Variants in NRG3 observed in about 807,000 individuals in gnomAD.
NRG3 encodes the protein pro-neuregulin-3, membrane-bound isoform.
NRG3 carries 31 observed loss-of-function variants against 66.9 expected under a neutral mutation model. The observed-to-expected ratio is 0.46, with a 90% confidence interval of 0.35 to 0.63. The LOEUF is 0.63. Among genes scored for constraint, NRG3 ranks in the 20% least tolerant of loss-of-function variants. The pLI is 0.00. For synonymous variants in NRG3, 393 were observed against 359.4 expected (o/e 1.09, Z -1.06); for missense variants, 910 against 878.9 (o/e 1.04, Z -0.45).
At chr10:82,161,146 G>T (rs2071563939) in intron 1 of NRG3, among the ~76,000 whole-genome samples, 1 of 151,998 alleles carries the variant, frequency 6.6e-6, no homozygotes, top group Admixed American at 6.6e-5. Context: ...TTATTATCAA[G>T]AATTCAGGTG....
intron 2 of NRG3, among the ~76,000 whole-genome samples, chr10:82,680,392 C>A (rs1335624): frequency 0.49 from 74,301 of 152,018 alleles, 20,861 homozygotes; most frequent in East Asian, 0.73. Context: ...GAATGCCTGA[C>A]ACATTAAATA....
intron 2 of NRG3, among the ~76,000 whole-genome samples, chr10:82,696,964 G>C (rs1322924791): frequency 2.0e-5 from 3 of 152,168 alleles, no homozygotes; most frequent in African/African-American, 7.2e-5. Context: ...GCATACGTTA[G>C]GTACTTCTGT....
intron 4 of NRG3, among the ~76,000 whole-genome samples, chr10:82,907,358 A>G (rs892242997): frequency 5.3e-5 from 8 of 152,144 alleles, no homozygotes; most frequent in Admixed American, 1.3e-4. Flanking sequence ...ATGATTTTAT[A>G]ATTTTCTGGA....
Position 82,815,110 on chromosome 10 carries a change from T to C in NRG3, c.1028-50301T>C, listed in dbSNP as rs2061651614. ...TTAAAGAAGTATCTTCCAAAACCCATGTTAGTAAGAGGTTGGCTTTGGTCA... is the reference window on the plus strand; with the variant it reads ...TTAAAGAAGTATCTTCCAAAACCCACGTTAGTAAGAGGTTGGCTTTGGTCA... On this transcript the variant is annotated intron_variant, in intron 3 of 8. Transcript: ENST00000372141. 3.9e-5 allele frequency among the ~76,000 whole-genome samples: 6 copies of C among 152,312 alleles called. No homozygotes were observed. In the South Asian group the frequency reaches 1.2e-3, roughly 32 times the overall value.
intron 2 of NRG3, among the ~76,000 whole-genome samples, chr10:82,721,195 G>A (rs1203323922): frequency 8.8e-6 from 1 of 113,124 alleles, no homozygotes; most frequent in Non-Finnish European, 1.6e-5. Flanking sequence ...GCAGTAGCGT[G>A]ATCTCCGCTC....
At chr10:82,773,200 G>A (rs527970332) in intron 3 of NRG3, among the ~76,000 whole-genome samples, 4 of 152,060 alleles carry the variant, frequency 2.6e-5, no homozygotes, top group South Asian at 4.2e-4. Flanking sequence ...CTACATTCCC[G>A]CCAACTGTGC....
intron 1 of NRG3, among the ~76,000 whole-genome samples, chr10:81,983,381 G>T (rs1254812239): frequency 6.6e-6 from 1 of 152,186 alleles, no homozygotes; most frequent in Admixed American, 6.5e-5. Context: ...TCTTGGGGAT[G>T]CTTTCTCTGA....
At position 82,985,612 on chromosome 10, in the gene NRG3, A is replaced by T. The variant is rs1333486752; in HGVS notation, c.*7A>T. The T allele has an allele frequency of 6.2e-7, 1 of 1,606,516 alleles. No individual in the cohort carries two copies. The highest frequency in any genetic ancestry group is 1.3e-5 in the African/African-American group (1 of 74,682). On this transcript the variant is annotated 3_prime_UTR_variant, in exon 9 of 9. Coordinates refer to ENST00000372141, the MANE Select transcript of NRG3 (RefSeq NM_001010848.4). Reference sequence around the variant, plus strand: ...CTCTGCATTGACCAAGTGACTTGAGATGTAGGAATCTGTGCATTCTATGCT... The same window carrying T: ...CTCTGCATTGACCAAGTGACTTGAGTTGTAGGAATCTGTGCATTCTATGCT...
At chr10:82,702,570 G>A (rs113603869) in intron 2 of NRG3, among the ~76,000 whole-genome samples, 90 of 152,290 alleles carry the variant, frequency 5.9e-4, no homozygotes, top group African/African-American at 2.1e-3. Flanking sequence ...GGTCAGGCTA[G>A]GGGTGAGAAG....
At chr10:82,094,662 A>C (rs1046762449) in intron 1 of NRG3, among the ~76,000 whole-genome samples, 4 of 152,230 alleles carry the variant, frequency 2.6e-5, no homozygotes, top group African/African-American at 7.2e-5. Context: ...ATGGCGAGAT[A>C]TATATATCAC....
intron 1 of NRG3, among the ~76,000 whole-genome samples, chr10:82,324,321 G>A (rs564875505): frequency 1.3e-5 from 2 of 151,562 alleles, no homozygotes; most frequent in Non-Finnish European, 2.9e-5. Flanking sequence ...CCCTACCCTC[G>A]TCACTCTTGA....
intron 3 of NRG3, among the ~76,000 whole-genome samples, chr10:82,852,235 C>G (rs1343072098): frequency 1.3e-5 from 2 of 151,848 alleles, no homozygotes; most frequent in African/African-American, 4.8e-5. Context: ...AAGTGGGAGT[C>G]GAACAATGAG....
At chr10:82,212,661 T>A (rs2133653339) in intron 1 of NRG3, among the ~76,000 whole-genome samples, 1 of 152,326 alleles carries the variant, frequency 6.6e-6, no homozygotes, top group Non-Finnish European at 1.5e-5. Flanking sequence ...GGCATGTCAC[T>A]ATCTAGTCTA....
chr10:81,942,693 A>C (rs1848502527), intron 1 of NRG3, among the ~76,000 whole-genome samples: 1 of 152,164 alleles, frequency 6.6e-6, no homozygotes, highest in South Asian at 2.1e-4. Context: ...GCAATTTCTC[A>C]TGCAATTTCC....
intron 1 of NRG3, among the ~76,000 whole-genome samples, chr10:82,048,673 C>T (rs550693543): frequency 1.3e-5 from 2 of 151,808 alleles, no homozygotes; most frequent in Admixed American, 6.6e-5. Context: ...GACACCCTAA[C>T]ATCACAATTA....
At position 82,210,785 on chromosome 10, in the gene NRG3, A is replaced by C. The variant is rs556659915; in HGVS notation, c.824-147954A>C. ...AGTAGATATTTTAAACCTTACCTAA[A>C]ATTGAGCATATTTATGCCTACTTAT... On this transcript the variant is annotated intron_variant, in intron 1 of 8. Coordinates refer to ENST00000372141, the MANE Select transcript of NRG3 (RefSeq NM_001010848.4). 2.0e-5 allele frequency among the ~76,000 whole-genome samples: 3 copies of C among 152,266 alleles called. No individual in the cohort carries two copies. In the East Asian group the frequency reaches 5.8e-4, roughly 29 times the overall value.
chr10:82,427,900 T>G (rs2089547524), intron 2 of NRG3, among the ~76,000 whole-genome samples: 1 of 152,064 alleles, frequency 6.6e-6, no homozygotes. Flanking sequence ...GCTATATATA[T>G]TCAGATATTT....
intron 1 of NRG3, among the ~76,000 whole-genome samples, chr10:82,189,256 A>C (rs2073993061): frequency 6.6e-6 from 1 of 152,190 alleles, no homozygotes; most frequent in Non-Finnish European, 1.5e-5. Flanking sequence ...ACTCTATGAG[A>C]AAATAAATCA....
chr10:82,451,000 G>A (rs7074029), intron 2 of NRG3, among the ~76,000 whole-genome samples: 28,051 of 151,984 alleles, frequency 0.18, 3,549 homozygotes, highest in African/African-American at 0.36. Context: ...TATCATCTAC[G>A]TTAACTGCTT....
Sources: allele counts gnomAD v4.1 joint callset (sites outside exome capture counted in the v4.1 genomes callset), GRCh38; gene constraint gnomAD v4.1.1; transcripts MANE v1.5; gene names NCBI Gene and HGNC (gene_info 2026-07-23, HGNC 2026-07-21).